Variants in SEPTIN3 observed in about 807,000 individuals in gnomAD.
The protein encoded by SEPTIN3 is neuronal-specific septin-3.
In SEPTIN3, 15 loss-of-function variants were observed where a neutral mutation model predicts 45.1. The observed-to-expected ratio is 0.33, with a 90% confidence interval of 0.22 to 0.51. The LOEUF is 0.51. Among genes scored for constraint, SEPTIN3 ranks in the 20% least tolerant of loss-of-function variants. The pLI is 0.97. For synonymous variants in SEPTIN3, 148 were observed against 164.8 expected, an observed-to-expected ratio of 0.90 and a Z score of 0.78; for missense variants, 289 against 457.2, an observed-to-expected ratio of 0.63 and a Z score of 3.35.
chr22:41,992,952 T>C (rs955120546), intron 9 of SEPTIN3, among the ~76,000 whole-genome samples, 189 bp downstream of exon 9: 1 of 152,170 alleles, frequency 6.6e-6, no homozygotes, highest in African/African-American at 2.4e-5. Context: ...AGAGACTGAT[T>C]TAGCACCTGA....
intron 6 of SEPTIN3, among the ~76,000 whole-genome samples, chr22:41,989,088 C>G (rs1489188941): frequency 7.2e-6 from 1 of 138,554 alleles, no homozygotes; most frequent in Non-Finnish European, 1.5e-5. Context: ...GACCATATCA[C>G]TGCACTCCAG....
At chr22:41,996,067 T>C (rs774064868) in intron 11 of SEPTIN3, 52 of 985,278 alleles carry the variant, frequency 5.3e-5, no homozygotes, top group Non-Finnish European at 6.3e-5. Flanking sequence ...CTCTTTTCTA[T>C]TCCCCATCAC....
At chr22:41,990,515 G>T (rs966133022) in intron 7 of SEPTIN3, among the ~76,000 whole-genome samples, 4 of 150,586 alleles carry the variant, frequency 2.7e-5, no homozygotes, top group African/African-American at 4.9e-5. Context: ...GGAGGCAGAG[G>T]CGGGTGAATC....
Position 41,974,595 on chromosome 22 carries a change from A to G in SEPTIN3, c.1504+1599A>G, listed in dbSNP as rs1256771077. Among the ~76,000 whole-genome samples, 7 of 151,198 alleles carry G rather than the reference A, an allele frequency of 4.6e-5. No homozygotes were observed. The East Asian group carries it at 1.2e-3, about 25-fold the overall frequency. On this transcript the variant is annotated intron_variant, in intron 2 of 11. Transcript: ENST00000644076. ...GGAGAATGGCGTGAACCCAGGAGGC[A>G]GAGCTTGCAGTGAGCCGAGATTGCG...
At chr22:41,974,908 C>T (rs528405898) in intron 2 of SEPTIN3, among the ~76,000 whole-genome samples, 2 of 143,654 alleles carry the variant, frequency 1.4e-5, no homozygotes, top group East Asian at 2.2e-4. Context: ...CTACCTCCTA[C>T]GTGAAAATAC....
At chr22:41,986,828 T>A (rs1343855259) in intron 4 of SEPTIN3, among the ~76,000 whole-genome samples, 2 of 151,888 alleles carry the variant, frequency 1.3e-5, no homozygotes. Flanking sequence ...AAAAAAAAAT[T>A]AGCTGGGTAT....
At chr22:41,995,332 G>A in intron 11 of SEPTIN3, 1 of 989,040 alleles carries the variant, frequency 1.0e-6, no homozygotes, top group Non-Finnish European at 1.2e-6. Context: ...CCAGAGCTGG[G>A]TTCTTGCAGA....
In SEPTIN3 at chr22:41,994,070, G is replaced by T. The variant is rs185409765; in HGVS notation, c.2360-220G>T. Among the ~76,000 whole-genome samples the T allele has an allele frequency of 2.0e-3, 298 of 152,238 alleles. No individual in the cohort carries two copies. The highest frequency in any genetic ancestry group is 6.9e-3 in the African/African-American group (285 of 41,536). On this transcript the variant is annotated intron_variant, in intron 9 of 11. Transcript: ENST00000644076. This position sits in a 1 kb window ranked among gnomAD's most constrained non-coding sequence, Gnocchi z 4.2. ...TCCCTCTTGGCTATTATGCCACAGC[G>T]TCTAGAAGGATGTCGTGCCCATTGT...
At chr22:41,989,768 A>G (rs1037317356) in intron 7 of SEPTIN3, 84 bp downstream of exon 7, 8 of 896,368 alleles carry the variant, frequency 8.9e-6, no homozygotes, top group Admixed American at 3.5e-5. Context: ...AGCCCTCATC[A>G]TTCTGCCTTC....
Position 41,974,834 on chromosome 22 carries a change from G to C in SEPTIN3, c.1504+1838G>C, listed in dbSNP as rs900010089. On this transcript the variant is annotated intron_variant, in intron 2 of 11. Transcript: ENST00000644076. ...TGCGTCACTGCACTCCAGCCTGAGC[G>C]ACAGAGCGAGACTCTGTCTCAAAAA... Among the ~76,000 whole-genome samples the C allele has an allele frequency of 9.2e-5, 11 of 119,332 alleles. 1 individual carries two copies. The highest frequency in any genetic ancestry group is 4.4e-4 in the Admixed American group (4 of 9,000). The allele number at this position is 119,332 out of a possible 152,430, so 78.3% of individuals were successfully genotyped here.
chr22:41,992,887 C>A, intron 9 of SEPTIN3, 124 bp downstream of exon 9: 1 of 697,912 alleles, frequency 1.4e-6, no homozygotes, highest in Admixed American at 2.2e-5. Flanking sequence ...CAGATTCTGC[C>A]CATAAGGAGC....
In SEPTIN3 at chr22:41,981,670, AG is replaced by A. The variant is rs1466192293; in HGVS notation, c.1531del (p.Ala511ProfsTer17). The A allele has an allele frequency of 6.2e-7, 1 of 1,613,628 alleles. No individual in the cohort carries two copies. Among genetic ancestry groups the A allele is most frequent in the South Asian group, 1.1e-5 (1 of 91,022 alleles). ...GGCTCCCAGAGACCAGGACGGACGCAGCCATGTCAGAGCTGGTGCCTGAGCC... is the reference window on the plus strand; with the variant it reads ...GGCTCCCAGAGACCAGGACGGACGCACCATGTCAGAGCTGGTGCCTGAGCC... ...KGLPETRTDA[A>X]MSELVPEPRP... On this transcript the variant is annotated frameshift_variant, in exon 3 of 12. Transcript: ENST00000644076. LOFTEE classifies it high-confidence loss of function.
At chr22:41,986,216 C>G in intron 4 of SEPTIN3, 104 bp downstream of exon 4, 1 of 1,403,430 alleles carries the variant, frequency 7.1e-7, no homozygotes, top group Admixed American at 2.2e-5. Context: ...TAAAAGGCAA[C>G]CTTAAGACAA....
chr22:41,997,082 T>G lies in SEPTIN3; in HGVS notation c.*115T>G. 6.4e-7 allele frequency: 1 copy of G among 1,561,830 alleles called. No homozygotes were observed. Among genetic ancestry groups the G allele is most frequent in the Non-Finnish European group, 8.7e-7 (1 of 1,155,062 alleles). On this transcript the variant is annotated 3_prime_UTR_variant, in exon 12 of 12. Transcript: ENST00000644076. Reference sequence around the variant, plus strand: ...TCACCACCACAGCCCCTCTCAGCCCTCAGTAGGTGGGAGGGGCCAGCTGCC... The same window carrying G: ...TCACCACCACAGCCCCTCTCAGCCCGCAGTAGGTGGGAGGGGCCAGCTGCC...
chr22:41,984,845 CTTTTT>C (rs11380985), intron 3 of SEPTIN3, among the ~76,000 whole-genome samples: 2 of 100,660 alleles, frequency 2.0e-5, no homozygotes, highest in African/African-American at 4.0e-5. Flanking sequence ...GTGGTTTTCC[CTTTTT>C]TTTTTTTTTT....
chr22:41,995,062 A>G (rs2078406851), intron 11 of SEPTIN3: 1 of 1,138,942 alleles, frequency 8.8e-7, no homozygotes, highest in Admixed American at 3.8e-5. Context: ...TCCCAAAACA[A>G]AGCTGTTTGC....
intron 7 of SEPTIN3, among the ~76,000 whole-genome samples, chr22:41,990,608 T>C (rs190160382): frequency 0.022 from 3,241 of 148,640 alleles, 136 homozygotes; most frequent in African/African-American, 0.076. Context: ...TAGCCGGGTG[T>C]GGTGGCGGGT....
rs137910171 is a variant in SEPTIN3, at chr22:41,976,336, C to G, written c.1504+3340C>G. Reference sequence around the variant, plus strand: ...CACCCCTGTGAGGCAATATGCTGTCCATTAGTATCCACTGAATGCGTGAAA... The same window carrying G: ...CACCCCTGTGAGGCAATATGCTGTCGATTAGTATCCACTGAATGCGTGAAA... On this transcript the variant is annotated intron_variant, in intron 2 of 11. Transcript: ENST00000644076. This position sits in a 1 kb window ranked among gnomAD's most constrained non-coding sequence, Gnocchi z 5.8. 3.9e-5 allele frequency: 6 copies of G among 152,424 alleles called. No individual in the cohort carries two copies. Among genetic ancestry groups the G allele is most frequent in the Non-Finnish European group, 7.3e-5 (5 of 68,090 alleles). The allele number at this position is 152,424 out of a possible 1,614,324, so 9.4% of individuals were successfully genotyped here.
chr22:41,971,822 C>A lies in SEPTIN3; in HGVS notation c.330C>A (p.Ser110=), dbSNP rs1602407980. The change falls in exon 2 of 12, where the codon TCC becomes TCA. Residue 110 remains serine (S), a synonymous_variant. Coordinates refer to ENST00000644076, the MANE Select transcript of SEPTIN3 (RefSeq NM_001363845.2). ...SLVPRKLSSI[S]LTLHQNSQAR... ...TACCCAGGAAGCTCAGCTCCATCTC[C>A]TTGACTCTCCATCAGAACAGCCAGG... 1 of 399,406 alleles carries A rather than the reference C, an allele frequency of 2.5e-6. No homozygotes were observed. The allele number at this position is 399,406 out of a possible 1,614,324, so 24.7% of individuals were successfully genotyped here. A position where few individuals can be genotyped will look rare whatever the true frequency, so the allele number is the denominator to read the frequency against.
Sources: gnomAD v4.1 joint callset for allele counts (sites outside exome capture counted in the v4.1 genomes callset) on GRCh38, gnomAD v4.1.1 for gene constraint, Gnocchi (gnomAD v3.1) non-coding constraint, MANE v1.5 for transcripts, NCBI Gene and HGNC (gene_info 2026-07-23, HGNC 2026-07-21) for gene names.